VWA3B: variants seen among roughly 807,000 people sequenced by gnomAD.
VWA3B encodes the protein von Willebrand factor A domain-containing protein 3B.
A neutral mutation model predicts 158.3 loss-of-function variants in VWA3B; 138 were observed. That is an observed-to-expected ratio of 0.87 (90% confidence interval 0.76 to 1.00). VWA3B has a LOEUF of 1.00. VWA3B is among the 50% of genes least tolerant of loss of function. The probability of loss-of-function intolerance (pLI) is 0.00; values close to 1 mark genes in which losing one functional copy is unlikely to be tolerated. For synonymous variants in VWA3B, 596 were observed against 587.3 expected, an observed-to-expected ratio of 1.01 and a Z score of -0.21; for missense variants, 1,555 against 1,565.1, an observed-to-expected ratio of 0.99 and a Z score of 0.11.
chr2:98,248,015 T>C (rs1483279101), intron 19 of VWA3B, among the ~76,000 whole-genome samples: 2 of 152,094 alleles, frequency 1.3e-5, no homozygotes, highest in Non-Finnish European at 2.9e-5. Context: ...ACCAGTTCTT[T>C]TTTAAAAATT....
chr2:98,105,216 T>C (rs1454320877), intron 2 of VWA3B, among the ~76,000 whole-genome samples: 1 of 152,244 alleles, frequency 6.6e-6, no homozygotes, highest in Non-Finnish European at 1.5e-5. Context: ...AAATTATCTT[T>C]ATTTCACCTG....
intron 26 of VWA3B, among the ~76,000 whole-genome samples, chr2:98,308,634 G>A (rs138935051): frequency 1.3e-5 from 2 of 152,356 alleles, no homozygotes; most frequent in African/African-American, 4.8e-5. Flanking sequence ...GTGGCCTCTG[G>A]CCAGGGCAGG....
chr2:98,181,968 G>A (rs1680623524), intron 9 of VWA3B, among the ~76,000 whole-genome samples: 1 of 152,222 alleles, frequency 6.6e-6, no homozygotes, highest in South Asian at 2.1e-4. Context: ...AGGTTTAGAA[G>A]CATGGAAAGA....
At chr2:98,325,367 G>A in the VWA3B span, among the ~76,000 whole-genome samples, 1 of 151,878 alleles carries the variant, frequency 6.6e-6, no homozygotes, top group African/African-American at 2.4e-5. Context: ...CCCTGCAGTG[G>A]GACAATATCA....
chr2:98,188,335 C>G (rs969294773), intron 10 of VWA3B, among the ~76,000 whole-genome samples: 1 of 152,124 alleles, frequency 6.6e-6, no homozygotes, highest in Non-Finnish European at 1.5e-5. Context: ...AAACACACGT[C>G]GTTTCTGTAT....
At chr2:98,245,053 A>T (rs1399981224) in intron 19 of VWA3B, among the ~76,000 whole-genome samples, 1 of 152,140 alleles carries the variant, frequency 6.6e-6, no homozygotes, top group Non-Finnish European at 1.5e-5. Context: ...TGGTGTAATT[A>T]TTCATATCAA....
intron 25 of VWA3B, among the ~76,000 whole-genome samples, chr2:98,300,848 G>C (rs1414816068): frequency 6.6e-6 from 1 of 152,098 alleles, no homozygotes; most frequent in Non-Finnish European, 1.5e-5. Flanking sequence ...CTTCTCCTCT[G>C]TGTCCCCTGT....
At chr2:98,238,557 T>C (rs567576250) in intron 19 of VWA3B, among the ~76,000 whole-genome samples, 2 of 152,140 alleles carry the variant, frequency 1.3e-5, no homozygotes, top group African/African-American at 4.8e-5. Flanking sequence ...CAACTTGAGG[T>C]AGAGTGAAAA....
At chr2:98,142,790 T>C (rs954406660) in intron 7 of VWA3B, among the ~76,000 whole-genome samples, 4 of 152,092 alleles carry the variant, frequency 2.6e-5, no homozygotes, top group Admixed American at 6.6e-5. Flanking sequence ...TGTTGGAGAA[T>C]GGTAAATGAA....
intron 21 of VWA3B, among the ~76,000 whole-genome samples, chr2:98,260,337 A>C (rs1687404641): frequency 6.6e-6 from 1 of 151,646 alleles, no homozygotes; most frequent in African/African-American, 2.4e-5. Context: ...AACTATTTTT[A>C]CACAGTTGGC....
At chr2:98,154,881 T>C (rs2105192315) in intron 7 of VWA3B, among the ~76,000 whole-genome samples, 1 of 152,264 alleles carries the variant, frequency 6.6e-6, no homozygotes, top group South Asian at 2.1e-4. Flanking sequence ...CAAAGTTGGG[T>C]GCTGTGCTGG....
Position 98,236,637 on chromosome 2 carries a change from C to T in VWA3B, c.2580C>T (p.Thr860=), listed in dbSNP as rs543563161. ...ATGGCTTGGTCGCCAAGAAACTCAC[C>T]CTCATGGATGCCTTGTCAGTGGCAG... ...KTYGLVAKKL[T]LMDALSVAAV... Residue 860 remains threonine, a synonymous_variant, in exon 19 of 28, where the codon ACC becomes ACT. Coordinates refer to ENST00000477737, the MANE Select transcript of VWA3B (RefSeq NM_144992.5). The T allele has an allele frequency of 1.5e-5, 24 of 1,614,186 alleles. No homozygotes were observed. The East Asian group carries it at 4.9e-4, about 33-fold the overall frequency.
intron 12 of VWA3B, among the ~76,000 whole-genome samples, chr2:98,210,304 A>G (rs529564058): frequency 6.6e-6 from 1 of 152,022 alleles, no homozygotes; most frequent in Non-Finnish European, 1.5e-5. Flanking sequence ...CCCCTAGAAG[A>G]TGTATTTAGC....
chr2:98,125,991 C>T lies in VWA3B; in HGVS notation c.703-2248C>T, dbSNP rs974525611. ...CTTTCTGTTTTTCTAAGTGTCATCA[C>T]GTGAGCAGAAAGGAGAGGCAGAAAG... On this transcript the variant is annotated intron_variant, in intron 5 of 27. Coordinates refer to ENST00000477737, the MANE Select transcript of VWA3B (RefSeq NM_144992.5). This position sits in a 1 kb window ranked among gnomAD's most constrained non-coding sequence, Gnocchi z 4.1. 1.3e-5 allele frequency among the ~76,000 whole-genome samples: 2 copies of T among 152,080 alleles called. No homozygotes were observed. Among genetic ancestry groups the T allele is most frequent in the Admixed American group, 6.6e-5 (1 of 15,264 alleles).
chr2:98,315,989 T>G (rs1397030496), downstream of VWA3B, among the ~76,000 whole-genome samples: 1 of 152,228 alleles, frequency 6.6e-6, no homozygotes, highest in Non-Finnish European at 1.5e-5. Context: ...ATTCATGTAG[T>G]TACGTTCTAT....
At position 98,240,376 on chromosome 2, in the gene VWA3B, C is replaced by T. The variant is rs532044605; in HGVS notation, c.2673+3646C>T. 2.3e-4 allele frequency among the ~76,000 whole-genome samples: 35 copies of T among 152,276 alleles called. No homozygotes were observed. The East Asian group carries it at 6.8e-3, about 29-fold the overall frequency. ...AATGGATATTTACATTGTGTTCTTC[C>T]TTCCCCTCTTACAAACATTCCTGTA... On this transcript the variant is annotated intron_variant, in intron 19 of 27. Transcript: ENST00000477737.
At position 98,300,094 on chromosome 2, in the gene VWA3B, T is replaced by C; in HGVS notation, c.3298T>C (p.Phe1100Leu). Residue 1100 changes from phenylalanine to leucine, a missense_variant, in exon 25 of 28, where the codon TTT becomes CTT. Transcript: ENST00000477737. ...CPLLQVGDYV[F>L]AKIVIPKGFD... is the part of the protein sequence containing the mutation. Reference sequence around the variant, plus strand: ...TCCTCTGCAGGTTGGAGATTATGTGTTTGCCAAAATTGTGATACCCAAAGG... The same window carrying C: ...TCCTCTGCAGGTTGGAGATTATGTGCTTGCCAAAATTGTGATACCCAAAGG... 1 of 1,614,246 alleles carries C rather than the reference T, an allele frequency of 6.2e-7. No homozygotes were observed. The highest frequency in any genetic ancestry group is 8.5e-7 in the Non-Finnish European group (1 of 1,180,036).
Position 98,312,024 on chromosome 2 carries a change from G to A in VWA3B, c.3727G>A (p.Glu1243Lys), listed in dbSNP as rs754447519. The change falls in exon 27 of 28, where the codon GAG becomes AAG. Residue 1243 changes from glutamate to lysine, a missense_variant. Glu to Lys is a moderately conservative substitution (Grantham distance 56, BLOSUM62 1). Transcript: ENST00000477737. ...SHGSCQGTHP[E>K]PRTAHLHFPA... ...TGGGTCCTGCCAGGGGACACACCCC[G>A]AGCCCAGGGTTTGGGTGATGGGGGG... 6 of 1,597,544 alleles carry A rather than the reference G, an allele frequency of 3.8e-6. No individual in the cohort carries two copies. The highest frequency in any genetic ancestry group is 4.3e-6 in the Non-Finnish European group (5 of 1,171,766).
chr2:98,249,592 A>G (rs1366920984), intron 19 of VWA3B, among the ~76,000 whole-genome samples: 1 of 152,164 alleles, frequency 6.6e-6, no homozygotes, highest in Non-Finnish European at 1.5e-5. Flanking sequence ...GTTCCACCAA[A>G]CCAATACATT....
Sources: allele counts gnomAD v4.1 joint callset (sites outside exome capture counted in the v4.1 genomes callset), GRCh38; gene constraint gnomAD v4.1.1; non-coding constraint Gnocchi (gnomAD v3.1); transcripts MANE v1.5; gene names NCBI Gene and HGNC (gene_info 2026-07-23, HGNC 2026-07-21).